The following TMCC3 variants were observed in gnomAD, a reference collection of about 807,000 sequenced individuals.
TMCC3 encodes transmembrane and coiled-coil domain family 3.
A neutral mutation model predicts 40.2 loss-of-function variants in TMCC3; 28 were observed. That is an observed-to-expected ratio of 0.70 (90% confidence interval 0.52 to 0.95). The LOEUF (loss-of-function observed/expected upper bound fraction) is 0.95. Among genes scored for constraint, TMCC3 ranks in the 40% least tolerant of loss-of-function variants. The pLI, the probability that TMCC3 is intolerant of heterozygous loss-of-function variation, is 0.00. For synonymous variants in TMCC3, 255 were observed against 248.5 expected (o/e 1.03, Z -0.25); for missense variants, 554 against 615.2 (o/e 0.90, Z 1.05).
At chr12:94,629,823 C>A (rs2068923009) in intron 1 of TMCC3, among the ~76,000 whole-genome samples, 1 of 152,192 alleles carries the variant, frequency 6.6e-6, no homozygotes, top group African/African-American at 2.4e-5. Flanking sequence ...CTTTTCAGGA[C>A]AAAGGCTGAT....
chr12:94,580,181 T>G (rs968286996), intron 2 of TMCC3, among the ~76,000 whole-genome samples: 1 of 152,222 alleles, frequency 6.6e-6, no homozygotes, highest in African/African-American at 2.4e-5. Context: ...AGTTAATGTA[T>G]TATTAACTTT....
At chr12:94,638,458 G>A (rs2068972293) in intron 1 of TMCC3, among the ~76,000 whole-genome samples, 1 of 152,134 alleles carries the variant, frequency 6.6e-6, no homozygotes, top group Non-Finnish European at 1.5e-5. Context: ...TGCATCCCTC[G>A]ACCATATCCT....
At chr12:94,623,982 A>G (rs2068889693) in intron 1 of TMCC3, among the ~76,000 whole-genome samples, 1 of 152,276 alleles carries the variant, frequency 6.6e-6, no homozygotes, top group Admixed American at 6.5e-5. Context: ...TAATTATACC[A>G]GCCTCTCAGC....
intron 1 of TMCC3, among the ~76,000 whole-genome samples, chr12:94,643,346 C>A (rs1356163928): frequency 6.6e-6 from 1 of 152,122 alleles, no homozygotes; most frequent in Non-Finnish European, 1.5e-5. Flanking sequence ...AGGTAGGTGA[C>A]TGATGACATG....
chr12:94,579,080 C>G (rs2068585089), intron 2 of TMCC3, among the ~76,000 whole-genome samples: 1 of 152,204 alleles, frequency 6.6e-6, no homozygotes, highest in Non-Finnish European at 1.5e-5. Flanking sequence ...ACTGACAATA[C>G]AAAATTAAGC....
At chr12:94,579,464 G>A (rs369785455) in intron 2 of TMCC3, among the ~76,000 whole-genome samples, 2 of 152,162 alleles carry the variant, frequency 1.3e-5, no homozygotes, top group East Asian at 1.9e-4. Context: ...CCCAGATCGC[G>A]CCACTGCACT....
At chr12:94,571,931 T>C (rs2068532044) in intron 3 of TMCC3, among the ~76,000 whole-genome samples, 194 bp from the exon 4 acceptor site, 1 of 152,208 alleles carries the variant, frequency 6.6e-6, no homozygotes, top group African/African-American at 2.4e-5. Flanking sequence ...CTCCTGTTGT[T>C]CACGAGTAGA....
At chr12:94,627,757 C>T (rs554265109) in intron 1 of TMCC3, among the ~76,000 whole-genome samples, 1 of 152,332 alleles carries the variant, frequency 6.6e-6, no homozygotes, top group South Asian at 2.1e-4. Flanking sequence ...AACTTCTTCC[C>T]TCTACCTCCA....
chr12:94,591,154 G>A (rs938548582), intron 1 of TMCC3: 5 of 365,676 alleles, frequency 1.4e-5, no homozygotes, highest in African/African-American at 8.6e-5. Context: ...TGGAAAATAC[G>A]AGACTTCGTA....
chr12:94,601,412 G>A (rs1298240749), intron 1 of TMCC3, among the ~76,000 whole-genome samples: 1 of 152,078 alleles, frequency 6.6e-6, no homozygotes, highest in Non-Finnish European at 1.5e-5. Context: ...CTACTCAGGG[G>A]ATTGCTGAGG....
intron 2 of TMCC3, among the ~76,000 whole-genome samples, chr12:94,580,940 G>T (rs907787069): frequency 6.6e-6 from 1 of 152,134 alleles, no homozygotes; most frequent in Non-Finnish European, 1.5e-5. Context: ...GTGAGTTGTT[G>T]CCTGTATCCA....
chr12:94,643,931 A>G (rs2069004378), intron 1 of TMCC3, among the ~76,000 whole-genome samples: 1 of 152,238 alleles, frequency 6.6e-6, no homozygotes, highest in South Asian at 2.1e-4. Context: ...TCTGGGCCTC[A>G]GCCTCCCCAT....
At chr12:94,612,428 A>G (rs1049103644) in intron 1 of TMCC3, among the ~76,000 whole-genome samples, 14 of 151,710 alleles carry the variant, frequency 9.2e-5, no homozygotes, top group Non-Finnish European at 1.8e-4. Flanking sequence ...CTCCTGCCTC[A>G]GCCTCCCGAG....
At chr12:94,601,002 C>T (rs1475354032) in intron 1 of TMCC3, among the ~76,000 whole-genome samples, 1 of 152,188 alleles carries the variant, frequency 6.6e-6, no homozygotes, top group African/African-American at 2.4e-5. Context: ...GAAAGAAATA[C>T]ATGTTTACCA....
chr12:94,595,752 T>C (rs1422081233), intron 1 of TMCC3, among the ~76,000 whole-genome samples: 1 of 152,198 alleles, frequency 6.6e-6, no homozygotes, highest in Non-Finnish European at 1.5e-5. Context: ...GAAGCTAATT[T>C]TGCACAGTTT....
intron 1 of TMCC3, among the ~76,000 whole-genome samples, chr12:94,630,601 T>C (rs1401471599): frequency 6.6e-6 from 1 of 152,234 alleles, no homozygotes; most frequent in Non-Finnish European, 1.5e-5. Flanking sequence ...TGGAGCCTTG[T>C]CATAGTGCTG....
intron 1 of TMCC3, among the ~76,000 whole-genome samples, chr12:94,590,475 T>C (rs1305063098): frequency 2.0e-5 from 3 of 151,726 alleles, no homozygotes; most frequent in Admixed American, 6.6e-5. Context: ...AGAGAGAGAA[T>C]GAGATTAAAA....
intron 1 of TMCC3, among the ~76,000 whole-genome samples, chr12:94,619,927 G>A (rs2068866595): frequency 6.6e-6 from 1 of 151,860 alleles, no homozygotes; most frequent in Non-Finnish European, 1.5e-5. Context: ...ACTTCAGGAG[G>A]CCGAGGCAGG....
intron 1 of TMCC3, chr12:94,590,837 A>C: frequency 1.9e-6 from 1 of 525,948 alleles, no homozygotes; most frequent in Non-Finnish European, 3.7e-6. Flanking sequence ...GACGATGTGC[A>C]CCCGCAACAA....
Sources: allele counts gnomAD v4.1 joint callset (sites outside exome capture counted in the v4.1 genomes callset), GRCh38; gene constraint gnomAD v4.1.1; transcripts MANE v1.5; gene names NCBI Gene and HGNC (gene_info 2026-07-23, HGNC 2026-07-21).